The following TMEM248 variants were observed in gnomAD, a reference collection of about 807,000 sequenced individuals.
TMEM248 encodes the protein UPF0458 protein C7orf42.
TMEM248 carries 9 observed loss-of-function variants against 30.3 expected under a neutral mutation model. That is an observed-to-expected ratio of 0.30 (90% CI 0.18 to 0.52). TMEM248 has a LOEUF of 0.52. Among genes scored for constraint, TMEM248 ranks in the 20% least tolerant of loss-of-function variants. TMEM248 has a pLI of 0.97. For missense variants in TMEM248, 338 were observed against 403.3 expected, an observed-to-expected ratio of 0.84 and a Z score of 1.39; for synonymous variants, 184 against 154.4, an observed-to-expected ratio of 1.19 and a Z score of -1.42.
intron 1 of TMEM248, among the ~76,000 whole-genome samples, chr7:66,927,436 A>G (rs115170006): frequency 0.011 from 1,694 of 148,544 alleles, 24 homozygotes; most frequent in African/African-American, 0.038. Flanking sequence ...TTCTTATTTG[A>G]TCTTTTTTTT....
At chr7:66,929,966 C>T (rs553993287) in intron 1 of TMEM248, among the ~76,000 whole-genome samples, 1 of 151,946 alleles carries the variant, frequency 6.6e-6, no homozygotes, top group South Asian at 2.1e-4. Context: ...TTGAGACCAG[C>T]CTGGGCAACA....
intron 1 of TMEM248, among the ~76,000 whole-genome samples, chr7:66,933,748 C>CT (rs1791727935): frequency 6.6e-6 from 1 of 152,228 alleles, no homozygotes; most frequent in Admixed American, 6.5e-5. Flanking sequence ...ATCTAAGGTA[C>CT]TGTGCTGATA....
At chr7:66,937,448 CAG>C (rs1028494737) in intron 1 of TMEM248, among the ~76,000 whole-genome samples, 4 of 152,224 alleles carry the variant, frequency 2.6e-5, no homozygotes, top group African/African-American at 9.6e-5. Flanking sequence ...ATGCTGAAAG[CAG>C]AGTGTTGAAG....
At chr7:66,924,293 C>T (rs1457002116) in intron 1 of TMEM248, among the ~76,000 whole-genome samples, 1 of 152,174 alleles carries the variant, frequency 6.6e-6, no homozygotes, top group African/African-American at 2.4e-5. Context: ...TTCCCTTGCC[C>T]AGTACTGAAG....
intron 1 of TMEM248, among the ~76,000 whole-genome samples, chr7:66,932,208 G>A (rs1791687228): frequency 6.6e-6 from 1 of 151,650 alleles, no homozygotes; most frequent in Non-Finnish European, 1.5e-5. Context: ...GATTCCTTTT[G>A]CACCAACACA....
intron 1 of TMEM248, among the ~76,000 whole-genome samples, chr7:66,934,447 C>T (rs191069474): frequency 1.5e-4 from 23 of 152,270 alleles, no homozygotes; most frequent in African/African-American, 4.6e-4. Flanking sequence ...GTGATCCACC[C>T]GCTTTGGCCT....
intron 1 of TMEM248, among the ~76,000 whole-genome samples, chr7:66,938,235 CTTCT>C (rs1273214920): frequency 6.6e-6 from 1 of 151,152 alleles, no homozygotes; most frequent in Non-Finnish European, 1.5e-5. Context: ...GTGGTCTTGT[CTTCT>C]TTCTTTCCTT....
At position 66,945,057 on chromosome 7, in the gene TMEM248, G is replaced by C. The variant is rs1480722523; in HGVS notation, c.241G>C (p.Asp81His). ...ENETLKHLTN[D>H]TTTPESTMTS... Reference sequence around the variant, plus strand: ...TGAAACCCTCAAGCATCTCACAAACGACACCACAACTCCGGAAAGTACAAT... The same window carrying C: ...TGAAACCCTCAAGCATCTCACAAACCACACCACAACTCCGGAAAGTACAAT... The change falls in exon 3 of 7, where the codon GAC becomes CAC. Residue 81 changes from aspartate (D) to histidine (H), a missense_variant. Coordinates refer to ENST00000341567, the MANE Select transcript of TMEM248 (RefSeq NM_017994.5). 1 of 1,614,174 alleles carries C rather than the reference G, an allele frequency of 6.2e-7. No individual in the cohort carries two copies. Among genetic ancestry groups the C allele is most frequent in the African/African-American group, 1.3e-5 (1 of 75,040 alleles).
rs148803801 is a variant in TMEM248, at chr7:66,951,150, T to TTGTG, written c.780+28_780+31dup. Reference sequence around the variant, plus strand: ...TTGTTCCAGATGTAAGTGAGAAAAATTGTGTGTGTGTGTGTGCGTGCATGC... The same window carrying TTGTG: ...TTGTTCCAGATGTAAGTGAGAAAAATTGTGTGTGTGTGTGTGTGTGCGTGCATGC... On this transcript the variant is annotated intron_variant, in intron 5 of 6. Coordinates refer to ENST00000341567, the MANE Select transcript of TMEM248 (RefSeq NM_017994.5). 1.1e-5 allele frequency: 17 copies of TTGTG among 1,540,754 alleles called. No individual in the cohort carries two copies. The highest frequency in any genetic ancestry group is 1.4e-5 in the Non-Finnish European group (16 of 1,141,018).
In TMEM248 at chr7:66,956,793, C is replaced by G. The variant is rs912848183; in HGVS notation, c.*1271C>G. 6.6e-6 allele frequency: 1 copy of G among 152,152 alleles called. No homozygotes were observed. The highest frequency in any genetic ancestry group is 6.6e-5 in the Admixed American group (1 of 15,264). 9.4% of individuals were successfully genotyped at this position (152,152 alleles called of 1,614,324 possible). On this transcript the variant is annotated 3_prime_UTR_variant, in exon 7 of 7. Transcript: ENST00000341567. Reference sequence around the variant, plus strand: ...GGCTCAAGCAATCCTCCCACTTTAGCCTCCTGAGTAGCTGGGACTACAGGC... The same window carrying G: ...GGCTCAAGCAATCCTCCCACTTTAGGCTCCTGAGTAGCTGGGACTACAGGC...
At chr7:66,943,996 T>A (rs1792031486) in intron 2 of TMEM248, among the ~76,000 whole-genome samples, 1 of 152,018 alleles carries the variant, frequency 6.6e-6, no homozygotes, top group South Asian at 2.1e-4. Flanking sequence ...GGTTTCACCA[T>A]GTTATCCATG....
At chr7:66,922,971 T>C (rs1791425009) in intron 1 of TMEM248, among the ~76,000 whole-genome samples, 1 of 150,406 alleles carries the variant, frequency 6.6e-6, no homozygotes, top group South Asian at 2.1e-4. Flanking sequence ...CTCCCAAAGT[T>C]CTGGAATTAT....
chr7:66,929,549 G>C lies in TMEM248; in HGVS notation c.-19+8088G>C, dbSNP rs1280058983. On this transcript the variant is annotated intron_variant, in intron 1 of 6. Transcript: ENST00000341567. ...CCTCCCGGGTTCAAGCGATTCTCCT[G>C]TCTCAGCTTCCTGAGTAGCTGGCAT... is the stretch of plus-strand genomic sequence containing the variant. 2.0e-5 allele frequency among the ~76,000 whole-genome samples: 3 copies of C among 146,748 alleles called. No individual in the cohort carries two copies. The East Asian group carries it at 6.1e-4, about 30-fold the overall frequency.
intron 1 of TMEM248, among the ~76,000 whole-genome samples, chr7:66,940,052 C>G (rs1318231930): frequency 6.6e-6 from 1 of 152,080 alleles, no homozygotes; most frequent in Admixed American, 6.6e-5. Flanking sequence ...CTCCCAGGTT[C>G]AAGTGATTCT....
intron 1 of TMEM248, among the ~76,000 whole-genome samples, chr7:66,938,343 T>TA (rs1469337498): frequency 6.6e-6 from 1 of 152,204 alleles, no homozygotes; most frequent in Non-Finnish European, 1.5e-5. Context: ...GGTTGGGCTT[T>TA]CTTTATAGGA....
chr7:66,932,152 A>G (rs1383289465), intron 1 of TMEM248, among the ~76,000 whole-genome samples: 2 of 152,102 alleles, frequency 1.3e-5, no homozygotes, highest in Non-Finnish European at 2.9e-5. Flanking sequence ...TTAGGTTGGT[A>G]CAAAAGTAAT....
intron 1 of TMEM248, among the ~76,000 whole-genome samples, chr7:66,925,286 G>C (rs1791494682): frequency 6.6e-6 from 1 of 152,142 alleles, no homozygotes; most frequent in African/African-American, 2.4e-5. Flanking sequence ...CTCCCAAAAT[G>C]CTAGCATTAA....
In TMEM248 at chr7:66,924,647, C is replaced by T. The variant is rs966815960; in HGVS notation, c.-19+3186C>T. Among the ~76,000 whole-genome samples the T allele has an allele frequency of 7.2e-5, 11 of 152,164 alleles. No homozygotes were observed. The South Asian group carries it at 1.9e-3, about 26-fold the overall frequency. Reference sequence around the variant, plus strand: ...CTCAAACTCCTGACCTCAGGTGGTCCGCCCACTGCGGCCTCCCAAAGTGCT... The same window carrying T: ...CTCAAACTCCTGACCTCAGGTGGTCTGCCCACTGCGGCCTCCCAAAGTGCT... On this transcript the variant is annotated intron_variant, in intron 1 of 6. Coordinates refer to ENST00000341567, the MANE Select transcript of TMEM248 (RefSeq NM_017994.5).
intron 2 of TMEM248, among the ~76,000 whole-genome samples, chr7:66,942,684 C>T (rs1287461058): frequency 2.6e-5 from 4 of 151,954 alleles, no homozygotes; most frequent in Admixed American, 6.6e-5. Flanking sequence ...TTAGTAGAGA[C>T]GGGGTTTCGC....
Sources: allele counts gnomAD v4.1 joint callset (sites outside exome capture counted in the v4.1 genomes callset), GRCh38; gene constraint gnomAD v4.1.1; transcripts MANE v1.5; gene names NCBI Gene and HGNC (gene_info 2026-07-23, HGNC 2026-07-21).